ARHGEF18: variants seen among roughly 807,000 people sequenced by gnomAD.
ARHGEF18 encodes Rho/Rac guanine nucleotide exchange factor 18, also known as rho guanine nucleotide exchange factor 18.
ARHGEF18 carries 93 observed loss-of-function variants against 155.7 expected under a neutral mutation model. The ratio of observed to expected loss-of-function variants is 0.60; its 90% CI spans 0.50 to 0.71. The LOEUF (loss-of-function observed/expected upper bound fraction) is 0.71. Among genes scored for constraint, ARHGEF18 ranks in the 30% least tolerant of loss-of-function variants. The probability of loss-of-function intolerance (pLI) is 0.00; values close to 1 mark genes in which losing one functional copy is unlikely to be tolerated. For synonymous variants in ARHGEF18, 742 were observed against 753.1 expected (o/e 0.99, Z 0.24); for missense variants, 1,593 against 1,816.1 (o/e 0.88, Z 2.23).
chr19:7,356,525 C>T (rs996340696), intron 1 of ARHGEF18, among the ~76,000 whole-genome samples: 2 of 151,998 alleles, frequency 1.3e-5, no homozygotes, highest in South Asian at 2.1e-4. Context: ...CCACCTGCCT[C>T]GGCCTCCCAA....
intron 13 of ARHGEF18, 72 bp downstream of exon 13, chr19:7,442,124 C>CCCTTCCTTCCTT (rs200202576): frequency 4.6e-5 from 52 of 1,129,724 alleles, no homozygotes; most frequent in Middle Eastern, 2.7e-4. Flanking sequence ...CTTCCTCCCT[C>CCCTTCCTTCCTT]CCTTCCTTCC....
At chr19:7,366,923 C>T (rs530248979) in intron 2 of ARHGEF18, among the ~76,000 whole-genome samples, 4 of 151,718 alleles carry the variant, frequency 2.6e-5, no homozygotes, top group East Asian at 1.9e-4. Flanking sequence ...CCACCACATC[C>T]GGCTAGTTGT....
At chr19:7,405,939 T>C (rs1181713048) in intron 10 of ARHGEF18, among the ~76,000 whole-genome samples, 2 of 152,154 alleles carry the variant, frequency 1.3e-5, no homozygotes, top group Admixed American at 6.6e-5. Context: ...TTACAAGCTA[T>C]TGGCACTCAT....
Position 7,462,024 on chromosome 19 carries a change from A to T in ARHGEF18, c.2453-128A>T. On this transcript the variant is annotated intron_variant, in intron 20 of 28. Coordinates refer to ENST00000668164, the MANE Select transcript of ARHGEF18 (RefSeq NM_001367823.1). The surrounding 1 kb of genome is among the most constrained non-coding windows in gnomAD (Gnocchi z 4.4). ...CTCCCCTACCTCCCAGGAATGCAGG[A>T]CACAAGGGGGCAGCCTACCTCAGGG... 2 of 1,014,790 alleles carry T rather than the reference A, an allele frequency of 2.0e-6. No homozygotes were observed. Among genetic ancestry groups the T allele is most frequent in the South Asian group, 2.9e-5 (2 of 69,508 alleles). The allele number at this position is 1,014,790 out of a possible 1,614,324, so 62.9% of individuals were successfully genotyped here.
chr19:7,441,590 G>T, intron 11 of ARHGEF18, 63 bp from the exon 12 acceptor site: 1 of 1,294,430 alleles, frequency 7.7e-7, no homozygotes, highest in Non-Finnish European at 1.1e-6. Flanking sequence ...TGCCTTTGTT[G>T]CATGAGGTCG....
chr19:7,410,295 G>A (rs1972598070), intron 10 of ARHGEF18, among the ~76,000 whole-genome samples: 1 of 151,964 alleles, frequency 6.6e-6, no homozygotes, highest in Admixed American at 6.6e-5. Context: ...CCTCTCTCAG[G>A]TGTTTGGTTT....
In ARHGEF18 at chr19:7,395,150, C is replaced by T. The variant is rs1453087261; in HGVS notation, c.967+11947C>T. On this transcript the variant is annotated intron_variant, in intron 10 of 28. Coordinates refer to ENST00000668164, the MANE Select transcript of ARHGEF18 (RefSeq NM_001367823.1). The surrounding 1 kb of genome is among the most constrained non-coding windows in gnomAD (Gnocchi z 5.0). ...CCCGCTTCCGGCTCCCAGCTGCTAG[C>T]TACTGTGGATCTGGGGGGGCCGGAC... 2.0e-6 allele frequency: 2 copies of T among 985,658 alleles called. No individual in the cohort carries two copies. The highest frequency in any genetic ancestry group is 2.4e-6 in the Non-Finnish European group (2 of 830,200). The allele number at this position is 985,658 out of a possible 1,614,324, so 61.1% of individuals were successfully genotyped here. A position where few individuals can be genotyped will look rare whatever the true frequency, so the allele number is the denominator to read the frequency against.
chr19:7,423,630 A>G (rs11260075), intron 10 of ARHGEF18, among the ~76,000 whole-genome samples: 80,409 of 150,488 alleles, frequency 0.53, 21,845 homozygotes, highest in Middle Eastern at 0.74. Flanking sequence ...GAACCAACCC[A>G]GGAGGCAGAG....
chr19:7,399,380 C>T (rs1000949029), intron 10 of ARHGEF18, among the ~76,000 whole-genome samples: 13 of 152,100 alleles, frequency 8.5e-5, no homozygotes, highest in Non-Finnish European at 1.6e-4. Flanking sequence ...GCTTGCTTCT[C>T]TGCTTTTGTC....
At chr19:7,381,691 T>C (rs867283478) in intron 8 of ARHGEF18, among the ~76,000 whole-genome samples, 6 of 146,092 alleles carry the variant, frequency 4.1e-5, no homozygotes, top group Non-Finnish European at 8.9e-5. Flanking sequence ...AATAAATAAA[T>C]AATAAATAAA....
At chr19:7,357,594 C>T (rs1360561963) in intron 1 of ARHGEF18, among the ~76,000 whole-genome samples, 1 of 152,174 alleles carries the variant, frequency 6.6e-6, no homozygotes, top group Non-Finnish European at 1.5e-5. Context: ...GGCCTCATTT[C>T]TCCTCTGGCT....
At chr19:7,360,742 A>G (rs942330208) in intron 1 of ARHGEF18, among the ~76,000 whole-genome samples, 1 of 151,496 alleles carries the variant, frequency 6.6e-6, no homozygotes, top group African/African-American at 2.4e-5. Flanking sequence ...GCTCCCACCA[A>G]CCTCCAGGAC....
At chr19:7,371,292 A>G (rs7246340) in intron 2 of ARHGEF18, among the ~76,000 whole-genome samples, 66,578 of 151,892 alleles carry the variant, frequency 0.44, 17,327 homozygotes, top group African/African-American at 0.73. Flanking sequence ...CAGAATTTTA[A>G]TTTGGGAAGA....
chr19:7,389,498 C>T, intron 10 of ARHGEF18, among the ~76,000 whole-genome samples: 1 of 17,280 alleles, frequency 5.8e-5, no homozygotes, highest in Admixed American at 6.6e-4. Context: ...TTCCTTCCTC[C>T]CTTCCTTCCT....
chr19:7,432,870 C>T (rs1974040929), intron 10 of ARHGEF18, among the ~76,000 whole-genome samples: 1 of 152,242 alleles, frequency 6.6e-6, no homozygotes, highest in Non-Finnish European at 1.5e-5. Context: ...CTTAATATGT[C>T]ATATCAGGTC....
At chr19:7,473,677 G>A (rs1288985224), downstream of ARHGEF18, among the ~76,000 whole-genome samples, 2 of 152,104 alleles carry the variant, frequency 1.3e-5, no homozygotes, top group African/African-American at 4.8e-5. Flanking sequence ...GGGCGTGGTG[G>A]CGGGCGCCTG....
At chr19:7,475,932 C>T (rs1449177961), downstream of ARHGEF18, among the ~76,000 whole-genome samples, 4 of 152,244 alleles carry the variant, frequency 2.6e-5, no homozygotes, top group African/African-American at 7.2e-5. Flanking sequence ...GCCTGGCCCA[C>T]TCGTGAGTCC....
intron 10 of ARHGEF18, among the ~76,000 whole-genome samples, chr19:7,432,099 C>T (rs1438659838): frequency 6.6e-6 from 1 of 151,992 alleles, no homozygotes. Context: ...CTTCCTCCTA[C>T]CTTTTTATTC....
At chr19:7,349,635 A>G (rs948393727) in intron 1 of ARHGEF18, among the ~76,000 whole-genome samples, 3 of 151,918 alleles carry the variant, frequency 2.0e-5, no homozygotes, top group African/African-American at 7.3e-5. Context: ...AAAATTAGCC[A>G]GGCGTGGTGG....
Sources: allele counts gnomAD v4.1 joint callset (sites outside exome capture counted in the v4.1 genomes callset), GRCh38; gene constraint gnomAD v4.1.1; non-coding constraint Gnocchi (gnomAD v3.1); transcripts MANE v1.5; gene names NCBI Gene and HGNC (gene_info 2026-07-23, HGNC 2026-07-21).